Variants in HLCS observed in about 807,000 individuals in gnomAD.
HLCS encodes holocarboxylase synthetase, also known as biotin--protein ligase.
HLCS carries 53 observed loss-of-function variants against 75.0 expected under a neutral mutation model. That is an observed-to-expected ratio of 0.71 (90% confidence interval 0.57 to 0.89). The LOEUF is 0.89. HLCS is among the 40% of genes least tolerant of loss of function. The pLI, the probability that HLCS is intolerant of heterozygous loss-of-function variation, is 0.00. For missense variants in HLCS, 966 were observed against 1,074.0 expected (o/e 0.90, Z 1.41); for synonymous variants, 431 against 428.6 (o/e 1.01, Z -0.07).
At chr21:36,892,138 A>G (rs894590048) in intron 6 of HLCS, among the ~76,000 whole-genome samples, 1 of 152,192 alleles carries the variant, frequency 6.6e-6, no homozygotes, top group Admixed American at 6.5e-5. Context: ...TCTCTACAGA[A>G]ACCTTAAGGC....
intron 6 of HLCS, among the ~76,000 whole-genome samples, chr21:36,867,293 C>G (rs1276844878): frequency 1.3e-5 from 2 of 152,194 alleles, no homozygotes; most frequent in African/African-American, 4.8e-5. Context: ...GTAGCATGCT[C>G]TTATTGTGGT....
intron 7 of HLCS, among the ~76,000 whole-genome samples, chr21:36,766,068 C>A (rs2090019743): frequency 6.6e-6 from 1 of 152,150 alleles, no homozygotes; most frequent in South Asian, 2.1e-4. Context: ...GAGACAGGGT[C>A]TTGCTCTGTT....
intron 2 of HLCS, among the ~76,000 whole-genome samples, chr21:36,954,135 G>A (rs1387888499): frequency 6.6e-6 from 1 of 151,872 alleles, no homozygotes. Context: ...GTGAAACCCC[G>A]CCTCTACTAA....
In HLCS at chr21:36,842,849, T is replaced by C. The variant is rs553277425; in HGVS notation, c.1892+54011A>G. ...CACCCTACTCTGAGGCCCTGAAAAA[T>C]TCTGCAGACCTACGTCAGCCTAACC... On this transcript the variant is annotated intron_variant, in intron 6 of 10. Transcript: ENST00000674895. This position sits in a 1 kb window ranked among gnomAD's most constrained non-coding sequence, Gnocchi z 4.2. Among the ~76,000 whole-genome samples, 2 of 152,128 alleles carry C rather than the reference T, an allele frequency of 1.3e-5. No homozygotes were observed. The highest frequency in any genetic ancestry group is 2.9e-5 in the Non-Finnish European group (2 of 68,016).
chr21:36,884,187 C>T (rs760900565), intron 6 of HLCS, among the ~76,000 whole-genome samples: 2 of 152,246 alleles, frequency 1.3e-5, no homozygotes, highest in Non-Finnish European at 2.9e-5. Flanking sequence ...AAGAATCTGG[C>T]TGCCTTCAGC....
At chr21:36,806,987 A>G (rs1344980553) in intron 6 of HLCS, among the ~76,000 whole-genome samples, 2 of 152,222 alleles carry the variant, frequency 1.3e-5, no homozygotes, top group East Asian at 1.9e-4. Context: ...TCGGTGCCCC[A>G]GTAGCTGCTA....
At chr21:36,967,385 A>T (rs576603000), upstream of HLCS, among the ~76,000 whole-genome samples, 2 of 152,254 alleles carry the variant, frequency 1.3e-5, no homozygotes, top group African/African-American at 4.8e-5. Flanking sequence ...TGCCTCTAAA[A>T]AGGCTGTGCC....
chr21:36,982,959 C>T (rs953981281), intron 1 of HLCS, among the ~76,000 whole-genome samples: 3 of 151,948 alleles, frequency 2.0e-5, no homozygotes, highest in East Asian at 2.0e-4. Flanking sequence ...ACCCAGAAGG[C>T]GGAGGCGGAG....
At chr21:36,760,736 G>A (rs1301584233) in intron 8 of HLCS, among the ~76,000 whole-genome samples, 1 of 152,214 alleles carries the variant, frequency 6.6e-6, no homozygotes, top group East Asian at 1.9e-4. Context: ...TATTGCCTCT[G>A]CGTCTTGAAT....
intron 2 of HLCS, among the ~76,000 whole-genome samples, chr21:36,952,522 G>A (rs546979463): frequency 6.6e-5 from 10 of 152,194 alleles, no homozygotes; most frequent in Non-Finnish European, 8.8e-5. Context: ...GGCCGAGCGC[G>A]GTGGCTCACG....
chr21:36,797,732 C>T (rs75109119), intron 6 of HLCS, among the ~76,000 whole-genome samples: 1,853 of 152,302 alleles, frequency 0.012, 31 homozygotes, highest in African/African-American at 0.041. Flanking sequence ...GAGCCGTTAG[C>T]GTAGGATGCA....
rs536229005 is a variant in HLCS at position 36,763,093 on chromosome 21, C to T, written c.2121+1919G>A. 5.1e-4 allele frequency among the ~76,000 whole-genome samples: 78 copies of T among 152,320 alleles called. No homozygotes were observed. In the Middle Eastern group the frequency reaches 0.014, roughly 27 times the overall value. ...AGGCTGGAGTGCAATGGCACAATCT[C>T]GGCTCACCGCAACCTCTGCCTCCCG... On this transcript the variant is annotated intron_variant, in intron 8 of 10. Coordinates refer to ENST00000674895, the MANE Select transcript of HLCS (RefSeq NM_001352514.2).
At chr21:36,794,341 G>C (rs558657321) in intron 6 of HLCS, among the ~76,000 whole-genome samples, 1 of 152,240 alleles carries the variant, frequency 6.6e-6, no homozygotes, top group African/African-American at 2.4e-5. Flanking sequence ...GACAAAGGAT[G>C]GGGTGTTCAA....
In HLCS at chr21:36,954,117, G is replaced by A. The variant is rs1229558611; in HGVS notation, c.330+7919C>T. 2.0e-5 allele frequency among the ~76,000 whole-genome samples: 3 copies of A among 151,560 alleles called. No homozygotes were observed. The East Asian group carries it at 5.8e-4, about 29-fold the overall frequency. ...GGTCAAGAGATCGAGACCATCCTAG[G>A]CAACATGGTGAAACCCCGCCTCTAC... On this transcript the variant is annotated intron_variant, in intron 2 of 10. Coordinates refer to ENST00000674895, the MANE Select transcript of HLCS (RefSeq NM_001352514.2).
chr21:36,768,154 A>G (rs531590582), intron 6 of HLCS, among the ~76,000 whole-genome samples: 1 of 152,368 alleles, frequency 6.6e-6, no homozygotes, highest in East Asian at 1.9e-4. Context: ...GGATTCATCA[A>G]CAGAGCAAAG....
intron 5 of HLCS, among the ~76,000 whole-genome samples, chr21:36,911,382 C>T (rs1276684015): frequency 6.6e-6 from 1 of 152,176 alleles, no homozygotes; most frequent in Non-Finnish European, 1.5e-5. Context: ...TCCATTTTAA[C>T]TCCCCAGACT....
chr21:36,952,610 G>A (rs2067720082), intron 2 of HLCS, among the ~76,000 whole-genome samples: 1 of 152,046 alleles, frequency 6.6e-6, no homozygotes, highest in South Asian at 2.1e-4. Flanking sequence ...TGGCCAACAT[G>A]GTGAAACTCC....
upstream of HLCS, among the ~76,000 whole-genome samples, chr21:36,968,287 T>C (rs2068691536): frequency 6.6e-6 from 1 of 152,224 alleles, no homozygotes; most frequent in Non-Finnish European, 1.5e-5. Flanking sequence ...CCATGGCGCC[T>C]AGCCATAAAG....
At chr21:36,832,246 A>G (rs1025529788) in intron 6 of HLCS, among the ~76,000 whole-genome samples, 1 of 152,226 alleles carries the variant, frequency 6.6e-6, no homozygotes, top group Non-Finnish European at 1.5e-5. Flanking sequence ...AAAAAGGTAG[A>G]AGAGATGGCT....
Sources: allele counts gnomAD v4.1 joint callset (sites outside exome capture counted in the v4.1 genomes callset), GRCh38; gene constraint gnomAD v4.1.1; non-coding constraint Gnocchi (gnomAD v3.1); transcripts MANE v1.5; gene names NCBI Gene and HGNC (gene_info 2026-07-23, HGNC 2026-07-21).